KCNG2: variants seen among roughly 807,000 people sequenced by gnomAD.
KCNG2 encodes the protein potassium voltage-gated channel modifier subfamily G member 2.
In KCNG2, 7 loss-of-function variants were observed where a neutral mutation model predicts 12.3. The observed-to-expected ratio is 0.57, with a 90% CI of 0.32 to 1.07. The LOEUF (loss-of-function observed/expected upper bound fraction) is 1.07, where lower values mean the gene tolerates loss of function less well. Ranked by LOEUF, KCNG2 falls within the 50% of genes least tolerant of loss-of-function variation. The pLI is 0.04. For missense variants in KCNG2, 703 were observed against 726.0 expected (o/e 0.97, Z 0.36); for synonymous variants, 414 against 351.4 (o/e 1.18, Z -1.99).
At chr18:79,866,736 A>C (rs71279366) in intron 3 of KCNG2, among the ~76,000 whole-genome samples, 1 of 44,902 alleles carries the variant, frequency 2.2e-5, no homozygotes, top group African/African-American at 7.0e-5. Context: ...AGGTCTGGGT[A>C]CTGTGGTCTG....
intron 1 of KCNG2, among the ~76,000 whole-genome samples, chr18:79,823,555 G>C (rs1420531653): frequency 6.6e-6 from 1 of 152,170 alleles, no homozygotes; most frequent in Admixed American, 6.5e-5. Context: ...GATTACGAGT[G>C]TGCTTGAACA....
In KCNG2 at chr18:79,899,829, C is replaced by G; in HGVS notation, c.*13C>G. 7.4e-7 allele frequency: 1 copy of G among 1,350,994 alleles called. No individual in the cohort carries two copies. Among genetic ancestry groups the G allele is most frequent in the Non-Finnish European group, 9.5e-7 (1 of 1,056,576 alleles). 83.7% of individuals were successfully genotyped at this position (1,350,994 alleles called of 1,614,324 possible). ...GGCAGGGCGCTGACGCCTGCGCCGC[C>G]CACACGGAGACCCCCTGCCCCCTCC... On this transcript the variant is annotated 3_prime_UTR_variant, in exon 4 of 4. Coordinates refer to ENST00000316249, the MANE Select transcript of KCNG2 (RefSeq NM_012283.2).
At chr18:79,837,031 C>T (rs1193670133) in intron 1 of KCNG2, among the ~76,000 whole-genome samples, 2 of 152,188 alleles carry the variant, frequency 1.3e-5, no homozygotes, top group Non-Finnish European at 2.9e-5. Context: ...TGAAATAAGA[C>T]AAGTCCCTCC....
intron 1 of KCNG2, among the ~76,000 whole-genome samples, chr18:79,834,243 T>C (rs1978311667): frequency 1.3e-5 from 2 of 152,244 alleles, no homozygotes; most frequent in Admixed American, 1.3e-4. Context: ...GCACCAGCAC[T>C]GAGCAAACGT....
chr18:79,872,441 G>A lies in KCNG2; in HGVS notation c.624+8150G>A, dbSNP rs141697109. On this transcript the variant is annotated intron_variant, in intron 3 of 3. Coordinates refer to ENST00000316249, the MANE Select transcript of KCNG2 (RefSeq NM_012283.2). ...GCTGGGATTACAGATGCACCACCACGCCCAGCTAATTTTTGTGTATTTTTA... is the reference window on the plus strand; with the variant it reads ...GCTGGGATTACAGATGCACCACCACACCCAGCTAATTTTTGTGTATTTTTA... Among the ~76,000 whole-genome samples, 883 of 151,970 alleles carry A rather than the reference G, an allele frequency of 5.8e-3. 13 individuals carry two copies. Among genetic ancestry groups the A allele is most frequent in the African/African-American group, 0.02 (826 of 41,444 alleles).
intron 2 of KCNG2, among the ~76,000 whole-genome samples, chr18:79,863,316 G>C (rs1599402746): frequency 6.6e-6 from 1 of 152,350 alleles, no homozygotes; most frequent in African/African-American, 2.4e-5. Context: ...TGGCTCTTTG[G>C]AGTTTGCGTC....
intron 3 of KCNG2, among the ~76,000 whole-genome samples, chr18:79,873,433 C>T (rs913992101): frequency 3.5e-5 from 5 of 144,728 alleles, no homozygotes; most frequent in South Asian, 2.4e-4. Context: ...CCCTCCCCCC[C>T]CCCCAGCCAC....
Position 79,899,183 on chromosome 18 carries a change from C to T in KCNG2, c.768C>T (p.Ile256=). The T allele has an allele frequency of 1.2e-6, 2 of 1,604,600 alleles. No homozygotes were observed. Among genetic ancestry groups the T allele is most frequent in the East Asian group, 2.2e-5 (1 of 44,806 alleles). The change falls in exon 4 of 4, where the codon ATC becomes ATT. Residue 256 remains isoleucine, a synonymous_variant. Transcript: ENST00000316249. The stretch of plus-strand genomic sequence containing the variant: ...GCGCGCCACTCAACATCATTGACAT[C>T]CTGGCGCTCCTGCCGTTCTACGTGT... ...FLRAPLNIID[I]LALLPFYVSL...
chr18:79,891,762 A>G (rs1980751429), intron 3 of KCNG2, among the ~76,000 whole-genome samples: 2 of 151,986 alleles, frequency 1.3e-5, no homozygotes, highest in Non-Finnish European at 2.9e-5. Context: ...TTTTAAATGT[A>G]TTGAGGTTGG....
chr18:79,812,049 T>C (rs900470100), intron 1 of KCNG2, among the ~76,000 whole-genome samples: 6 of 151,946 alleles, frequency 3.9e-5, no homozygotes, highest in Non-Finnish European at 8.8e-5. Flanking sequence ...TGAAAAAGTA[T>C]TTGAAGAAAG....
At chr18:79,877,313 G>C (rs1257838086) in intron 3 of KCNG2, among the ~76,000 whole-genome samples, 1 of 152,174 alleles carries the variant, frequency 6.6e-6, no homozygotes, top group African/African-American at 2.4e-5. Flanking sequence ...GTGAGGCTGG[G>C]TCCCTCCAGC....
intron 3 of KCNG2, among the ~76,000 whole-genome samples, chr18:79,871,344 T>C (rs1275036128): frequency 6.6e-6 from 1 of 152,178 alleles, no homozygotes; most frequent in Non-Finnish European, 1.5e-5. Flanking sequence ...ACATAGGGTG[T>C]GGACAGGACG....
chr18:79,896,540 A>G (rs1980983018), intron 3 of KCNG2, among the ~76,000 whole-genome samples: 1 of 152,250 alleles, frequency 6.6e-6, no homozygotes. Context: ...ATTGGCAAAT[A>G]CATTGCACAT....
At chr18:79,829,703 G>T (rs1978290682) in intron 1 of KCNG2, among the ~76,000 whole-genome samples, 1 of 152,210 alleles carries the variant, frequency 6.6e-6, no homozygotes, top group Non-Finnish European at 1.5e-5. Flanking sequence ...TCTCTACACT[G>T]TACTGGCTGT....
intron 1 of KCNG2, among the ~76,000 whole-genome samples, chr18:79,850,669 C>A (rs940597667): frequency 1.3e-5 from 2 of 152,174 alleles, no homozygotes; most frequent in East Asian, 3.8e-4. Context: ...TTTGAGAATG[C>A]GTTTTGGCCT....
At chr18:79,863,528 T>G in intron 2 of KCNG2, 100 bp from the exon 3 acceptor site, 7 of 976,024 alleles carry the variant, frequency 7.2e-6, no homozygotes, top group Non-Finnish European at 9.0e-6. Flanking sequence ...CGAGCTCACC[T>G]CCGAGGGTTC....
intron 3 of KCNG2, among the ~76,000 whole-genome samples, chr18:79,897,133 T>G (rs907210999): frequency 6.6e-5 from 10 of 152,284 alleles, no homozygotes; most frequent in Non-Finnish European, 1.5e-4. Context: ...AAAAATTGTT[T>G]TTTTTTTCAG....
At chr18:79,867,053 A>G (rs1054227536) in intron 3 of KCNG2, among the ~76,000 whole-genome samples, 4 of 145,924 alleles carry the variant, frequency 2.7e-5, no homozygotes, top group African/African-American at 1.1e-4. Flanking sequence ...CTGGGTGCTG[A>G]GAGGTCTGGG....
chr18:79,867,170 C>A, intron 3 of KCNG2, among the ~76,000 whole-genome samples: 1 of 133,144 alleles, frequency 7.5e-6, no homozygotes, highest in Non-Finnish European at 1.6e-5. Flanking sequence ...GGTCTGGGTG[C>A]TGAGAGGTCT....
Sources: gnomAD v4.1 joint callset for allele counts (sites outside exome capture counted in the v4.1 genomes callset) on GRCh38, gnomAD v4.1.1 for gene constraint, MANE v1.5 for transcripts, NCBI Gene and HGNC (gene_info 2026-07-23, HGNC 2026-07-21) for gene names.